Variants in GRM7 observed in about 807,000 individuals in gnomAD.
The protein encoded by GRM7 is glutamate metabotropic receptor 7.
A neutral mutation model predicts 84.5 loss-of-function variants in GRM7; 35 were observed. The observed-to-expected ratio is 0.41, with a 90% confidence interval of 0.32 to 0.55. The LOEUF is 0.55. Ranked by LOEUF, GRM7 falls within the 20% of genes least tolerant of loss-of-function variation. GRM7 has a pLI of 0.19. For synonymous variants in GRM7, 487 were observed against 455.1 expected (o/e 1.07, Z -0.89); for missense variants, 1,003 against 1,194.6 (o/e 0.84, Z 2.36).
chr3:7,005,189 T>C (rs1695141346), intron 1 of GRM7, among the ~76,000 whole-genome samples: 2 of 152,136 alleles, frequency 1.3e-5, no homozygotes, highest in South Asian at 4.1e-4. Context: ...TTCACAGCCA[T>C]TAAGGACCAT....
chr3:7,037,487 G>A (rs558604180), intron 1 of GRM7, among the ~76,000 whole-genome samples: 1 of 152,142 alleles, frequency 6.6e-6, no homozygotes, highest in Admixed American at 6.5e-5. Flanking sequence ...TTTAAGAATT[G>A]AGTGAATTCA....
intron 2 of GRM7, among the ~76,000 whole-genome samples, chr3:7,248,749 C>G (rs1259168698): frequency 6.6e-6 from 1 of 152,086 alleles, no homozygotes; most frequent in Non-Finnish European, 1.5e-5. Context: ...GGGATACAAA[C>G]TCTCTATGCT....
chr3:7,183,036 A>C (rs1695395360), intron 2 of GRM7, among the ~76,000 whole-genome samples: 1 of 151,894 alleles, frequency 6.6e-6, no homozygotes, highest in African/African-American at 2.4e-5. Context: ...GCTTTTAAAC[A>C]CGCTGGGCAT....
At chr3:7,625,899 T>G (rs3804868) in intron 8 of GRM7, among the ~76,000 whole-genome samples, 130,042 of 152,140 alleles carry the variant, frequency 0.85, 55,769 homozygotes, top group African/African-American at 0.93. Flanking sequence ...AAGGGAGAAA[T>G]TACAGAAAAG....
intron 1 of GRM7, among the ~76,000 whole-genome samples, chr3:6,995,787 A>G (rs1478597774): frequency 1.3e-5 from 2 of 152,196 alleles, no homozygotes; most frequent in African/African-American, 4.8e-5. Context: ...TCACCACAGA[A>G]GTAGTACCAA....
chr3:7,286,285 T>C (rs1699428635), intron 2 of GRM7, among the ~76,000 whole-genome samples: 1 of 152,204 alleles, frequency 6.6e-6, no homozygotes, highest in African/African-American at 2.4e-5. Flanking sequence ...CATTTCAAAA[T>C]GTAATTTGGT....
At chr3:7,016,212 C>G (rs1352189480) in intron 1 of GRM7, among the ~76,000 whole-genome samples, 1 of 152,126 alleles carries the variant, frequency 6.6e-6, no homozygotes, top group Non-Finnish European at 1.5e-5. Flanking sequence ...ACATTTTTGA[C>G]AACTGAAAAA....
intron 8 of GRM7, among the ~76,000 whole-genome samples, chr3:7,603,785 A>T (rs867298984): frequency 6.6e-5 from 10 of 152,288 alleles, no homozygotes; most frequent in Middle Eastern, 6.8e-3. Context: ...GGTAATTTTT[A>T]AAAAATGTTA....
chr3:7,552,930 A>G (rs192680413), intron 7 of GRM7, among the ~76,000 whole-genome samples: 4 of 152,232 alleles, frequency 2.6e-5, no homozygotes, highest in Admixed American at 2.6e-4. Context: ...ATTTCTCCTC[A>G]GAAAATGGGT....
rs370790628 is a variant in GRM7, at chr3:7,416,444, A to G, written c.1174+1281A>G. 9.1e-4 allele frequency among the ~76,000 whole-genome samples: 139 copies of G among 152,258 alleles called. 5 individuals are homozygous for G. The South Asian group carries it at 0.027, about 29-fold the overall frequency. On this transcript the variant is annotated intron_variant, in intron 5 of 9. Transcript: ENST00000357716. The stretch of plus-strand genomic sequence containing the variant: ...AGTTCTGCCTCTAGTCTCTCTTTGT[A>G]ATGTAGCTGTTTGAATACCGGTCAC...
chr3:7,394,157 T>C (rs947562624), intron 4 of GRM7, among the ~76,000 whole-genome samples: 1 of 152,198 alleles, frequency 6.6e-6, no homozygotes, highest in East Asian at 1.9e-4. Flanking sequence ...AACCCAGATA[T>C]GTCTGATTCC....
Position 7,023,932 on chromosome 3 carries a change from C to T in GRM7, c.520-122520C>T, listed in dbSNP as rs553155584. The stretch of plus-strand genomic sequence containing the variant: ...CTATCGCTCTTCAGGGCAGAGAATG[C>T]GTGATGCTAATGAAAGTCTTCCTAG... On this transcript the variant is annotated intron_variant, in intron 1 of 9. Coordinates refer to ENST00000357716, the MANE Select transcript of GRM7 (RefSeq NM_000844.4). 1.7e-4 allele frequency among the ~76,000 whole-genome samples: 26 copies of T among 152,202 alleles called. No homozygotes were observed. The South Asian group carries it at 3.3e-3, about 19-fold the overall frequency.
intron 1 of GRM7, among the ~76,000 whole-genome samples, chr3:7,139,083 G>GTACTATATTATACTCTATAATATAATA (rs1559465173): frequency 6.8e-6 from 1 of 146,106 alleles, no homozygotes; most frequent in African/African-American, 2.5e-5. Flanking sequence ...ATTATATAAT[G>GTACTATATTATACTCTATAATATAATA]TACTATATTA....
intron 9 of GRM7, among the ~76,000 whole-genome samples, chr3:7,723,826 AAC>A (rs1702032090): frequency 6.6e-6 from 1 of 152,124 alleles, no homozygotes; most frequent in South Asian, 2.1e-4. Flanking sequence ...CAGCCTGGGC[AAC>A]AGAGTGAGAG....
At chr3:6,959,680 T>G (rs749112531) in intron 1 of GRM7, among the ~76,000 whole-genome samples, 60 of 152,284 alleles carry the variant, frequency 3.9e-4, no homozygotes, top group Non-Finnish European at 6.5e-4. Flanking sequence ...GTCCACAGTT[T>G]TTTAAAATAG....
chr3:6,865,408 C>T (rs1389860689), intron 1 of GRM7, among the ~76,000 whole-genome samples: 2 of 152,120 alleles, frequency 1.3e-5, no homozygotes, highest in Admixed American at 6.5e-5. Flanking sequence ...CAAACCCTCT[C>T]CATTATTGAC....
At chr3:6,971,120 C>G (rs1000245997) in intron 1 of GRM7, among the ~76,000 whole-genome samples, 9 of 151,308 alleles carry the variant, frequency 5.9e-5, no homozygotes, top group Non-Finnish European at 1.3e-4. Flanking sequence ...ACAGTATTTA[C>G]CGAGGGAGAG....
At chr3:7,541,286 T>A (rs1221712501) in intron 7 of GRM7, among the ~76,000 whole-genome samples, 2 of 152,212 alleles carry the variant, frequency 1.3e-5, no homozygotes, top group African/African-American at 2.4e-5. Flanking sequence ...TTCAAACTTT[T>A]TTTTAAGTAA....
intron 1 of GRM7, among the ~76,000 whole-genome samples, chr3:7,104,979 T>C (rs61357065): frequency 0.027 from 4,162 of 151,984 alleles, 186 homozygotes; most frequent in African/African-American, 0.096. Context: ...TTGTAAAATT[T>C]AACATATTCT....
Sources: gnomAD v4.1 joint callset for allele counts (sites outside exome capture counted in the v4.1 genomes callset) on GRCh38, gnomAD v4.1.1 for gene constraint, MANE v1.5 for transcripts, NCBI Gene and HGNC (gene_info 2026-07-23, HGNC 2026-07-21) for gene names.